The following ADAM23 variants were observed in gnomAD, a reference collection of about 807,000 sequenced individuals.
ADAM23 encodes disintegrin and metalloproteinase domain-containing protein 23.
A neutral mutation model predicts 120.1 loss-of-function variants in ADAM23; 33 were observed. The ratio of observed to expected loss-of-function variants is 0.27; its 90% CI spans 0.21 to 0.37. The LOEUF (loss-of-function observed/expected upper bound fraction) is 0.37, where lower values mean the gene tolerates loss of function less well. Among genes scored for constraint, ADAM23 ranks in the 10% least tolerant of loss-of-function variants. ADAM23 has a pLI of 1.00. For missense variants in ADAM23, 862 were observed against 1,058.2 expected, an observed-to-expected ratio of 0.81 and a Z score of 2.57; for synonymous variants, 367 against 375.2, an observed-to-expected ratio of 0.98 and a Z score of 0.25.
chr2:206,531,674 C>CT (rs1291678655), intron 4 of ADAM23, among the ~76,000 whole-genome samples: 3 of 152,346 alleles, frequency 2.0e-5, no homozygotes, highest in East Asian at 3.9e-4. Flanking sequence ...GAAAGAAACT[C>CT]TGACTTCTAG....
chr2:206,571,889 A>G, intron 17 of ADAM23, 73 bp downstream of exon 17: 4 of 1,312,152 alleles, frequency 3.0e-6, no homozygotes, highest in Non-Finnish European at 3.3e-6. Context: ...TACACTGAGC[A>G]TTTGTGTAGC....
At chr2:206,459,529 T>C (rs1334088505) in intron 2 of ADAM23, among the ~76,000 whole-genome samples, 1 of 152,212 alleles carries the variant, frequency 6.6e-6, no homozygotes, top group Non-Finnish European at 1.5e-5. Flanking sequence ...CCGTAATGTG[T>C]TAAACATTTA....
intron 2 of ADAM23, among the ~76,000 whole-genome samples, chr2:206,459,738 C>G (rs961794109): frequency 1.3e-5 from 2 of 152,210 alleles, no homozygotes; most frequent in South Asian, 2.1e-4. Context: ...ATCATCTACC[C>G]TAGCCCGTCC....
rs371760099 is a variant in ADAM23, at chr2:206,500,505, A to G, written c.509+19197A>G. Among the ~76,000 whole-genome samples the G allele has an allele frequency of 1.1e-4, 16 of 152,302 alleles. No homozygotes were observed. In the East Asian group the frequency reaches 2.1e-3, roughly 20 times the overall value. ...AAGATTTATCTCTATCTCAGCGGTG[A>G]ATGATACAGGGTCTGTAATCAAAAT... On this transcript the variant is annotated intron_variant, in intron 3 of 25. Transcript: ENST00000264377.
intron 10 of ADAM23, among the ~76,000 whole-genome samples, chr2:206,557,815 G>A (rs563965804): frequency 6.6e-6 from 1 of 152,278 alleles, no homozygotes; most frequent in South Asian, 2.1e-4. Flanking sequence ...ACTGGCAAAT[G>A]AGACTTTTTA....
Position 206,457,572 on chromosome 2 carries a change from C to CT in ADAM23, c.432+12057dup, listed in dbSNP as rs765863778. ...CTCTATGACCAGCTGGTTTTCTCATCTTTTTTTTTCCTTCCCTAAATGAGT... is the reference window on the plus strand; with the variant it reads ...CTCTATGACCAGCTGGTTTTCTCATCTTTTTTTTTTCCTTCCCTAAATGAGT... On this transcript the variant is annotated intron_variant, in intron 2 of 25. Coordinates refer to ENST00000264377, the MANE Select transcript of ADAM23 (RefSeq NM_003812.4). 3.7e-3 allele frequency among the ~76,000 whole-genome samples: 563 copies of CT among 151,608 alleles called. 5 individuals carry two copies. The highest frequency in any genetic ancestry group is 6.1e-3 in the African/African-American group (254 of 41,376).
At chr2:206,565,699 C>T (rs1269145241) in intron 14 of ADAM23, among the ~76,000 whole-genome samples, 1 of 152,138 alleles carries the variant, frequency 6.6e-6, no homozygotes, top group Non-Finnish European at 1.5e-5. Context: ...GGAGCCACTG[C>T]CCCCAGACCC....
rs140291025 is a variant in ADAM23 at position 206,557,082 on chromosome 2, T to G, written c.934-345T>G. Among the ~76,000 whole-genome samples, 1,412 of 152,142 alleles carry G rather than the reference T, an allele frequency of 9.3e-3. 12 individuals are homozygous for G. Among genetic ancestry groups the G allele is most frequent in the Non-Finnish European group, 0.016 (1,074 of 68,008 alleles). On this transcript the variant is annotated intron_variant, in intron 9 of 25. Transcript: ENST00000264377. Reference sequence around the variant, plus strand: ...TTACTATTATTCAGAACATCGTAGGTTTTTTTGTTTTTTTTTGAAAAAAAT... The same window carrying G: ...TTACTATTATTCAGAACATCGTAGGGTTTTTTGTTTTTTTTTGAAAAAAAT...
intron 3 of ADAM23, among the ~76,000 whole-genome samples, chr2:206,492,664 A>G (rs1042283348): frequency 1.3e-5 from 2 of 152,032 alleles, no homozygotes; most frequent in African/African-American, 4.8e-5. Context: ...GGGCCAGGCA[A>G]TTCTCCCAAA....
chr2:206,530,134 G>GA (rs1337444129), intron 3 of ADAM23, among the ~76,000 whole-genome samples: 2 of 151,946 alleles, frequency 1.3e-5, no homozygotes, highest in African/African-American at 2.4e-5. Flanking sequence ...TTTAATGGTT[G>GA]AAAAAAATCA....
At chr2:206,577,509 A>G (rs1194343709) in intron 18 of ADAM23, among the ~76,000 whole-genome samples, 7 of 141,270 alleles carry the variant, frequency 5.0e-5, no homozygotes, top group African/African-American at 1.1e-4. Context: ...GAGAATATGC[A>G]GTGTTTGGTT....
chr2:206,445,548 A>G (rs2105845164), intron 2 of ADAM23, 24 bp downstream of exon 2: 1 of 1,579,570 alleles, frequency 6.3e-7, no homozygotes, highest in African/African-American at 1.4e-5. Flanking sequence ...TGGCTATGCA[A>G]AAGTAACTAT....
intron 13 of ADAM23, among the ~76,000 whole-genome samples, chr2:206,563,087 G>A (rs560463249): frequency 6.6e-6 from 1 of 152,252 alleles, no homozygotes; most frequent in African/African-American, 2.4e-5. Context: ...AAACCCAGTG[G>A]TAAAATATAA....
At chr2:206,490,526 G>A (rs1696111867) in intron 3 of ADAM23, among the ~76,000 whole-genome samples, 1 of 152,200 alleles carries the variant, frequency 6.6e-6, no homozygotes, top group South Asian at 2.1e-4. Context: ...TTTTGAAAAA[G>A]TGTGTGATGA....
intron 18 of ADAM23, among the ~76,000 whole-genome samples, chr2:206,586,464 A>G (rs180980774): frequency 3.3e-3 from 505 of 152,214 alleles, no homozygotes; most frequent in Non-Finnish European, 4.1e-3. Context: ...AGGAAGAGTG[A>G]GAGAGGAGGG....
At chr2:206,603,803 G>A (rs906135482) in intron 24 of ADAM23, among the ~76,000 whole-genome samples, 2 of 152,034 alleles carry the variant, frequency 1.3e-5, no homozygotes, top group Non-Finnish European at 2.9e-5. Flanking sequence ...CTTTCATATA[G>A]TTCTTACAAT....
At chr2:206,466,103 G>A (rs1695537424) in intron 2 of ADAM23, among the ~76,000 whole-genome samples, 1 of 152,144 alleles carries the variant, frequency 6.6e-6, no homozygotes, top group Admixed American at 6.5e-5. Context: ...GTAGTGACAT[G>A]TTTGAAATAT....
At chr2:206,605,153 G>A (rs971329838) in intron 24 of ADAM23, among the ~76,000 whole-genome samples, 1 of 152,060 alleles carries the variant, frequency 6.6e-6, no homozygotes, top group African/African-American at 2.4e-5. Flanking sequence ...CAATTAATAC[G>A]GTTTCCCAGA....
chr2:206,514,371 G>A (rs1380773516), intron 3 of ADAM23, among the ~76,000 whole-genome samples: 3 of 152,136 alleles, frequency 2.0e-5, no homozygotes, highest in Non-Finnish European at 2.9e-5. Flanking sequence ...TGACTTTGAG[G>A]GGTTCAAGAG....
Sources: allele counts gnomAD v4.1 joint callset (sites outside exome capture counted in the v4.1 genomes callset), GRCh38; gene constraint gnomAD v4.1.1; transcripts MANE v1.5; gene names NCBI Gene and HGNC (gene_info 2026-07-23, HGNC 2026-07-21).